Variants in MTUS2 observed in about 807,000 individuals in gnomAD.
MTUS2 encodes microtubule-associated tumor suppressor candidate 2.
MTUS2 carries 40 observed loss-of-function variants against 114.1 expected under a neutral mutation model. The observed-to-expected ratio is 0.35, with a 90% confidence interval of 0.27 to 0.46. The LOEUF (loss-of-function observed/expected upper bound fraction) is 0.46. Ranked by LOEUF, MTUS2 falls within the 20% of genes least tolerant of loss-of-function variation. The probability of loss-of-function intolerance (pLI) is 1.00; values close to 1 mark genes in which losing one functional copy is unlikely to be tolerated. For missense variants in MTUS2, 1,679 were observed against 1,705.4 expected (o/e 0.98, Z 0.27); for synonymous variants, 688 against 672.0 (o/e 1.02, Z -0.37).
intron 8 of MTUS2, among the ~76,000 whole-genome samples, chr13:29,382,518 C>G (rs1396406659): frequency 6.6e-6 from 1 of 152,140 alleles, no homozygotes; most frequent in Non-Finnish European, 1.5e-5. Context: ...AGGTCTAGGT[C>G]TTTGGCCCAA....
At chr13:28,851,235 A>G (rs912735067) in intron 2 of MTUS2, among the ~76,000 whole-genome samples, 5 of 152,214 alleles carry the variant, frequency 3.3e-5, no homozygotes, top group African/African-American at 1.2e-4. Context: ...GAAATAAGAG[A>G]TCTGTAACAT....
rs145101647 is a variant in MTUS2, at chr13:29,005,528, T to C, written c.-242-18929T>C. On this transcript the variant is annotated intron_variant, in intron 2 of 15. Coordinates refer to ENST00000612955, the MANE Select transcript of MTUS2 (RefSeq NM_001033602.4). ...GCCAAGTCCTGGGAACAAAGCAGGGTGGAGAGGAGTCGGGAGGAAGCATAT... is the reference window on the plus strand; with the variant it reads ...GCCAAGTCCTGGGAACAAAGCAGGGCGGAGAGGAGTCGGGAGGAAGCATAT... 4.2e-3 allele frequency among the ~76,000 whole-genome samples: 631 copies of C among 151,890 alleles called. 1 individual carries two copies. The highest frequency in any genetic ancestry group is 7.8e-3 in the Non-Finnish European group (531 of 67,960).
chr13:29,389,541 GTA>G lies in MTUS2; in HGVS notation c.3117+30072_3117+30073del, dbSNP rs1350796005. Among the ~76,000 whole-genome samples the G allele has an allele frequency of 1.7e-4, 19 of 113,220 alleles. 2 individuals carry two copies. Among genetic ancestry groups the G allele is most frequent in the East Asian group, 1.3e-3 (5 of 3,888 alleles). The allele number at this position is 113,220 out of a possible 152,430, so 74.3% of individuals were successfully genotyped here. On this transcript the variant is annotated intron_variant, in intron 8 of 15. Coordinates refer to ENST00000612955, the MANE Select transcript of MTUS2 (RefSeq NM_001033602.4). ...TATGTGTATATATGTATACACGTGT[GTA>G]TATGTATACACGTGTGTATATGTGT...
intron 2 of MTUS2, among the ~76,000 whole-genome samples, chr13:28,998,711 G>A (rs1389527538): frequency 6.6e-6 from 1 of 152,148 alleles, no homozygotes; most frequent in East Asian, 1.9e-4. Flanking sequence ...CATTTGTCAC[G>A]TAGTTCTTGT....
intron 2 of MTUS2, among the ~76,000 whole-genome samples, chr13:28,957,684 GA>G (rs892950877): frequency 4.2e-5 from 6 of 142,736 alleles, no homozygotes; most frequent in South Asian, 2.2e-4. Context: ...TTTGTATCTG[GA>G]GGGGGGGGTC....
chr13:29,229,072 T>C (rs1306784332), intron 5 of MTUS2, among the ~76,000 whole-genome samples: 1 of 152,186 alleles, frequency 6.6e-6, no homozygotes. Flanking sequence ...AGGGGCTTCT[T>C]CACTGAGGCA....
At chr13:28,884,242 G>A (rs1878457432) in intron 2 of MTUS2, among the ~76,000 whole-genome samples, 1 of 152,192 alleles carries the variant, frequency 6.6e-6, no homozygotes, top group Non-Finnish European at 1.5e-5. Context: ...AGGAAATTCT[G>A]ACCTATGCTG....
chr13:29,171,250 G>GA (rs1484876685), intron 5 of MTUS2, among the ~76,000 whole-genome samples: 1 of 152,120 alleles, frequency 6.6e-6, no homozygotes, highest in East Asian at 1.9e-4. Context: ...AGGTTCTAGT[G>GA]AAAATCTATT....
chr13:29,485,557 G>A (rs1881546720), intron 10 of MTUS2, among the ~76,000 whole-genome samples: 1 of 152,154 alleles, frequency 6.6e-6, no homozygotes, highest in Admixed American at 6.5e-5. Flanking sequence ...AACTTTTGGA[G>A]TTAAGAGGTC....
intron 7 of MTUS2, among the ~76,000 whole-genome samples, chr13:29,325,699 C>CT (rs1214379686): frequency 6.6e-6 from 1 of 152,166 alleles, no homozygotes; most frequent in African/African-American, 2.4e-5. Context: ...ATAATAGCAG[C>CT]TAATGTTTGA....
intron 2 of MTUS2, among the ~76,000 whole-genome samples, chr13:28,994,235 G>GT (rs1361611599): frequency 2.5e-5 from 3 of 121,994 alleles, no homozygotes; most frequent in African/African-American, 5.5e-5. Context: ...ATGAACTCAT[G>GT]TTTTTTTATG....
chr13:29,417,160 G>A (rs1043587450), intron 8 of MTUS2, among the ~76,000 whole-genome samples: 3 of 152,142 alleles, frequency 2.0e-5, no homozygotes, highest in Admixed American at 6.5e-5. Flanking sequence ...ATGGTGGAAC[G>A]TGAAGGGGGA....
intron 2 of MTUS2, among the ~76,000 whole-genome samples, chr13:29,017,994 A>G (rs143053554): frequency 5.3e-5 from 8 of 152,364 alleles, no homozygotes; most frequent in African/African-American, 1.9e-4. Context: ...TGACAGTTCC[A>G]AAAGGAAAGA....
intron 13 of MTUS2, 39 bp from the exon 14 acceptor site, chr13:29,498,379 G>C: frequency 6.2e-7 from 1 of 1,611,746 alleles, no homozygotes. Flanking sequence ...GTTTTGCCGG[G>C]AATCCTGGTC....
chr13:29,015,932 T>A (rs1886046677), intron 2 of MTUS2, among the ~76,000 whole-genome samples: 1 of 152,166 alleles, frequency 6.6e-6, no homozygotes, highest in South Asian at 2.1e-4. Flanking sequence ...TTAGATGAAG[T>A]CTCGCTCTGT....
intron 5 of MTUS2, among the ~76,000 whole-genome samples, chr13:29,127,484 C>G (rs1278455616): frequency 6.6e-6 from 1 of 152,282 alleles, no homozygotes; most frequent in East Asian, 1.9e-4. Flanking sequence ...TTTCAAAGGC[C>G]TTAAAGAGCA....
intron 5 of MTUS2, among the ~76,000 whole-genome samples, chr13:29,210,273 G>A (rs1436143683): frequency 6.6e-6 from 1 of 151,926 alleles, no homozygotes; most frequent in Non-Finnish European, 1.5e-5. Flanking sequence ...ATTTTCAGAA[G>A]TTGTGATTTG....
intron 7 of MTUS2, among the ~76,000 whole-genome samples, chr13:29,346,509 C>A (rs1868706383): frequency 6.6e-6 from 1 of 150,418 alleles, no homozygotes; most frequent in South Asian, 2.1e-4. Flanking sequence ...ACAGGCCTTA[C>A]CCAATGCCCA....
intron 2 of MTUS2, among the ~76,000 whole-genome samples, chr13:28,864,515 A>G (rs556736257): frequency 6.6e-6 from 1 of 152,248 alleles, no homozygotes; most frequent in South Asian, 2.1e-4. Context: ...CATAATTAAC[A>G]GAAGTTAAAA....
Sources: gnomAD v4.1 joint callset for allele counts (sites outside exome capture counted in the v4.1 genomes callset) on GRCh38, gnomAD v4.1.1 for gene constraint, MANE v1.5 for transcripts, NCBI Gene and HGNC (gene_info 2026-07-23, HGNC 2026-07-21) for gene names.